Variants in CAND1 observed in about 807,000 individuals in gnomAD.
The protein encoded by CAND1 is cullin associated and neddylation dissociated 1.
In CAND1, 7 loss-of-function variants were observed where a neutral mutation model predicts 108.5. The ratio of observed to expected loss-of-function variants is 0.06; its 90% CI spans 0.04 to 0.12. The LOEUF (loss-of-function observed/expected upper bound fraction) is 0.12. CAND1 is among the 10% of genes least tolerant of loss of function. The pLI is 1.00. For missense variants in CAND1, 941 were observed against 1,448.7 expected, an observed-to-expected ratio of 0.65 and a Z score of 5.69; for synonymous variants, 534 against 512.0, an observed-to-expected ratio of 1.04 and a Z score of -0.58.
Position 67,306,481 on chromosome 12 carries a change from A to G in CAND1, c.2813A>G (p.Lys938Arg). 1 of 1,614,070 alleles carries G rather than the reference A, an allele frequency of 6.2e-7. No homozygotes were observed. Among genetic ancestry groups the G allele is most frequent in the Non-Finnish European group, 8.5e-7 (1 of 1,179,950 alleles). Residue 938 changes from lysine (K) to arginine (R), a missense_variant, in exon 10 of 15, where the codon AAG (lysine) becomes AGG (arginine). Transcript: ENST00000545606. ...YVENIWALLL[K>R]HCECAEEGTR... Reference sequence around the variant, plus strand: ...GAAAACATCTGGGCCTTATTACTAAAGCACTGTGAGTGTGCAGAGGAAGGA... The same window carrying G: ...GAAAACATCTGGGCCTTATTACTAAGGCACTGTGAGTGTGCAGAGGAAGGA...
rs571605276 is a variant in CAND1 at position 67,282,066 on chromosome 12, T to C, written c.212+13T>C. On this transcript the variant is annotated intron_variant, in intron 2 of 14. Coordinates refer to ENST00000545606, the MANE Select transcript of CAND1 (RefSeq NM_018448.5). ...TAGCTGTCAAATGGTAAGTTGTTTT[T>C]TACTGGTTGAGTCTTTCTTCCTGCT... is the stretch of plus-strand genomic sequence containing the variant. The C allele has an allele frequency of 2.3e-5, 37 of 1,611,098 alleles. No individual in the cohort carries two copies. The South Asian group carries it at 4.0e-4, about 17-fold the overall frequency.
intron 3 of CAND1, 115 bp from the exon 4 acceptor site, chr12:67,294,918 C>A: frequency 9.8e-7 from 1 of 1,023,894 alleles, no homozygotes; most frequent in Non-Finnish European, 1.4e-6. Context: ...TGCCCTGGAT[C>A]TGTTGTGTCT....
rs2044999754 is a variant in CAND1 at position 67,315,504 on chromosome 12, C to A, written c.*2674C>A. ...GGAAATTTGGTATGGCAGGGCCTAA[C>A]CTAAAAGGTTATTTATAAAATCAAT... On this transcript the variant is annotated 3_prime_UTR_variant, in exon 15 of 15. Transcript: ENST00000545606. 1 of 146,592 alleles carries A rather than the reference C, an allele frequency of 6.8e-6. No individual in the cohort carries two copies. Among genetic ancestry groups the A allele is most frequent in the African/African-American group, 2.5e-5 (1 of 39,414 alleles). The allele number at this position is 146,592 out of a possible 1,614,324, so 9.1% of individuals were successfully genotyped here.
intron 4 of CAND1, among the ~76,000 whole-genome samples, chr12:67,296,343 G>T (rs2044769431): frequency 6.6e-6 from 1 of 151,888 alleles, no homozygotes; most frequent in South Asian, 2.1e-4. Flanking sequence ...GGGAGAGGGA[G>T]AACTCAAGAG....
chr12:67,310,507 A>G (rs941669111), intron 13 of CAND1, 191 bp downstream of exon 13: 2 of 422,856 alleles, frequency 4.7e-6, no homozygotes, highest in African/African-American at 2.0e-5. Context: ...AGAAAGATCC[A>G]GAGCCCTTTT....
intron 6 of CAND1, 50 bp downstream of exon 6, chr12:67,297,903 A>G (rs1388834463): frequency 9.6e-7 from 1 of 1,046,098 alleles, no homozygotes; most frequent in Non-Finnish European, 1.5e-6. Context: ...CCTTAAGAGT[A>G]GAATCATAAG....
intron 2 of CAND1, among the ~76,000 whole-genome samples, chr12:67,283,887 G>A (rs1192682373): frequency 6.6e-6 from 1 of 151,944 alleles, no homozygotes; most frequent in African/African-American, 2.4e-5. Flanking sequence ...AGGAGTTGGG[G>A]AGAAATAACA....
At chr12:67,294,590 C>T (rs1160335776) in intron 3 of CAND1, among the ~76,000 whole-genome samples, 1 of 152,138 alleles carries the variant, frequency 6.6e-6, no homozygotes, top group Non-Finnish European at 1.5e-5. Flanking sequence ...TACAGATTAT[C>T]CAGTAGATAG....
chr12:67,290,455 G>A (rs1228404567), intron 2 of CAND1, among the ~76,000 whole-genome samples: 1 of 151,684 alleles, frequency 6.6e-6, no homozygotes, highest in Non-Finnish European at 1.5e-5. Context: ...AGGTTACAGT[G>A]AGCCAACATC....
intron 3 of CAND1, 90 bp downstream of exon 3, chr12:67,292,866 G>GAGGT: frequency 8.1e-7 from 1 of 1,234,348 alleles, no homozygotes; most frequent in Non-Finnish European, 1.2e-6. Context: ...AGGAGGGAGG[G>GAGGT]AGGTGGCTGT....
intron 1 of CAND1, among the ~76,000 whole-genome samples, chr12:67,275,788 CTG>C (rs1394844996): frequency 1.3e-5 from 2 of 152,100 alleles, no homozygotes; most frequent in Non-Finnish European, 2.9e-5. Flanking sequence ...AAGTTCCAGA[CTG>C]TGTTACTCAT....
At chr12:67,304,815 A>C in intron 9 of CAND1, 69 bp downstream of exon 9, 1 of 1,542,062 alleles carries the variant, frequency 6.5e-7, no homozygotes, top group Non-Finnish European at 8.8e-7. Context: ...GATAAGCTTA[A>C]ATAATTGTTT....
Position 67,305,204 on chromosome 12 carries a change from C to T in CAND1, c.1536C>T (p.Val512=). The part of the protein sequence containing the change: ...YVILCNHSPQ[V]FHPHVQALVP... ...TCCTCTGTAACCATTCTCCTCAAGT[C>T]TTCCATCCTCACGTTCAGGCTTTGG... is the stretch of plus-strand genomic sequence containing the variant. The change falls in exon 10 of 15, where the codon GTC becomes GTT. Residue 512 remains valine, a synonymous_variant. Coordinates refer to ENST00000545606, the MANE Select transcript of CAND1 (RefSeq NM_018448.5). The surrounding 1 kb of genome is among the most constrained non-coding windows in gnomAD (Gnocchi z 4.4). 1 of 1,614,154 alleles carries T rather than the reference C, an allele frequency of 6.2e-7. No homozygotes were observed. Among genetic ancestry groups the T allele is most frequent in the Non-Finnish European group, 8.5e-7 (1 of 1,180,008 alleles).
At chr12:67,290,943 A>G (rs1000619891) in intron 2 of CAND1, among the ~76,000 whole-genome samples, 1 of 152,176 alleles carries the variant, frequency 6.6e-6, no homozygotes, top group East Asian at 1.9e-4. Context: ...TGTGCAAGGC[A>G]TCTAGGTTGC....
intron 6 of CAND1, 44 bp downstream of exon 6, chr12:67,297,897 A>G: frequency 8.4e-7 from 1 of 1,190,214 alleles, no homozygotes; most frequent in Non-Finnish European, 1.2e-6. Flanking sequence ...GTTTTTCCTT[A>G]AGAGTAGAAT....
At position 67,298,967 on chromosome 12, in the gene CAND1, A is replaced by G; in HGVS notation, c.872A>G (p.Tyr291Cys). 6.5e-7 allele frequency: 1 copy of G among 1,532,718 alleles called. No individual in the cohort carries two copies. Among genetic ancestry groups the G allele is most frequent in the Non-Finnish European group, 9.0e-7 (1 of 1,108,452 alleles). The allele number at this position is 1,532,718 out of a possible 1,614,324, so 94.9% of individuals were successfully genotyped here. A position where few individuals can be genotyped will look rare whatever the true frequency, so the allele number is the denominator to read the frequency against. The change falls in exon 7 of 15, where the codon TAT becomes TGT. Residue 291 changes from tyrosine (Y) to cysteine (C), a missense_variant. Around this residue, in one of 9 missense-constraint regions of CAND1, gnomAD observed 697 missense variants for 942.0 expected, o/e 0.74. Coordinates refer to ENST00000545606, the MANE Select transcript of CAND1 (RefSeq NM_018448.5). Reference protein sequence around the residue: ...SFVRRCPKEVYPHVSTIINIC... With the variant: ...SFVRRCPKEVCPHVSTIINIC... ...GTCTTTAGATGTCCTAAGGAAGTAT[A>G]TCCTCATGTTTCTACCATTATAAAT...
intron 7 of CAND1, 48 bp from the exon 8 acceptor site, chr12:67,302,275 T>A: frequency 6.7e-7 from 1 of 1,500,706 alleles, no homozygotes; most frequent in Non-Finnish European, 9.1e-7. Context: ...TTAAATGATA[T>A]ACTTCTCTTG....
Position 67,302,623 on chromosome 12 carries a change from TTAAAG to T in CAND1, c.1293+15_1293+19del, listed in dbSNP as rs770674631. On this transcript the variant is annotated intron_variant, in intron 8 of 14. Transcript: ENST00000545606. ...ACAATGCTTCAGAGTCAGGTGGGTT[TTAAAG>T]TAAAGTTTAGAAAATCATGATAGTA... The T allele has an allele frequency of 1.4e-5, 22 of 1,598,106 alleles. No individual in the cohort carries two copies. The highest frequency in any genetic ancestry group is 1.0e-4 in the Admixed American group (6 of 58,644).
In CAND1 at chr12:67,278,760, C is replaced by G. The variant is rs570201280; in HGVS notation, c.69-3150C>G. Among the ~76,000 whole-genome samples, 117 of 152,208 alleles carry G rather than the reference C, an allele frequency of 7.7e-4. 1 individual carries two copies. In the Middle Eastern group the frequency reaches 0.01, roughly 13 times the overall value. On this transcript the variant is annotated intron_variant, in intron 1 of 14. Transcript: ENST00000545606. ...TGTCGAACTCCTGACCTCAGGAGATCTGCCTGCCTTGGCCTCCCAAAGTGC... is the reference window on the plus strand; with the variant it reads ...TGTCGAACTCCTGACCTCAGGAGATGTGCCTGCCTTGGCCTCCCAAAGTGC...
Sources: allele counts gnomAD v4.1 joint callset (sites outside exome capture counted in the v4.1 genomes callset), GRCh38; gene constraint gnomAD v4.1.1; regional missense constraint gnomAD v4.1.1; non-coding constraint Gnocchi (gnomAD v3.1); transcripts MANE v1.5; gene names NCBI Gene and HGNC (gene_info 2026-07-23, HGNC 2026-07-21).